Variants in AP1S3 observed in about 807,000 individuals in gnomAD.
The protein encoded by AP1S3 is adaptor related protein complex 1 subunit sigma 3.
A neutral mutation model predicts 20.9 loss-of-function variants in AP1S3; 10 were observed. The observed-to-expected ratio is 0.48, with a 90% CI of 0.29 to 0.81. AP1S3 has a LOEUF of 0.81. Among genes scored for constraint, AP1S3 ranks in the 30% least tolerant of loss-of-function variants. The pLI is 0.08. For synonymous variants in AP1S3, 41 were observed against 61.5 expected (o/e 0.67, Z 1.56); for missense variants, 154 against 183.8 (o/e 0.84, Z 0.94).
chr2:223,761,527 T>C (rs1014846971), intron 4 of AP1S3, among the ~76,000 whole-genome samples: 1 of 152,002 alleles, frequency 6.6e-6, no homozygotes, highest in African/African-American at 2.4e-5. Flanking sequence ...CGGGCTCAAG[T>C]GATCCTTTCA....
chr2:223,827,390 T>A (rs1692154228), intron 1 of AP1S3, among the ~76,000 whole-genome samples: 1 of 152,190 alleles, frequency 6.6e-6, no homozygotes, highest in Non-Finnish European at 1.5e-5. Flanking sequence ...TCCATAATTT[T>A]GTTTTGTTTT....
chr2:223,815,838 A>G (rs907170949), intron 1 of AP1S3, among the ~76,000 whole-genome samples: 1 of 152,244 alleles, frequency 6.6e-6, no homozygotes, highest in Non-Finnish European at 1.5e-5. Context: ...AGGGACAGGC[A>G]GTGGCTCAGG....
At position 223,758,760 on chromosome 2, in the gene AP1S3, A is replaced by G; in HGVS notation, c.430-10T>C. 6.2e-7 allele frequency: 1 copy of G among 1,607,416 alleles called. No individual in the cohort carries two copies. Among genetic ancestry groups the G allele is most frequent in the Non-Finnish European group, 8.5e-7 (1 of 1,177,078 alleles). The stretch of plus-strand genomic sequence containing the variant: ...TGTATTCTTCCATTGTCTGAAAGCG[A>G]ACAATAAATTAGAACAATTTTCCCT... On this transcript the variant is annotated splice_polypyrimidine_tract_variant and intron_variant, in intron 4 of 4. Coordinates refer to ENST00000396654, the MANE Select transcript of AP1S3 (RefSeq NM_001039569.2).
chr2:223,761,956 A>G (rs1482093758), intron 4 of AP1S3, among the ~76,000 whole-genome samples: 5 of 152,184 alleles, frequency 3.3e-5, no homozygotes, highest in African/African-American at 9.6e-5. Flanking sequence ...AATGACCACT[A>G]TCGCCTTTGA....
intron 1 of AP1S3, among the ~76,000 whole-genome samples, chr2:223,797,194 A>G (rs1487730866): frequency 1.3e-5 from 2 of 152,110 alleles, no homozygotes; most frequent in South Asian, 2.1e-4. Flanking sequence ...TCATGTCTTC[A>G]TATCCAAATG....
chr2:223,756,650 T>A lies in AP1S3; in HGVS notation c.*2065A>T. On this transcript the variant is annotated 3_prime_UTR_variant, in exon 5 of 5. Transcript: ENST00000396654. ...TATTGGATAGTAAAAGCCTAATGAT[T>A]ATTTTATATGCTAATCTGAGTTATT... 1.0e-6 allele frequency: 1 copy of A among 985,384 alleles called. No individual in the cohort carries two copies. Among genetic ancestry groups the A allele is most frequent in the Non-Finnish European group, 1.2e-6 (1 of 829,864 alleles). The allele number at this position is 985,384 out of a possible 1,614,324, so 61.0% of individuals were successfully genotyped here. A position where few individuals can be genotyped will look rare whatever the true frequency, so the allele number is the denominator to read the frequency against.
At chr2:223,809,973 C>A (rs58293182) in intron 1 of AP1S3, among the ~76,000 whole-genome samples, 3 of 151,936 alleles carry the variant, frequency 2.0e-5, no homozygotes, top group Admixed American at 2.0e-4. Flanking sequence ...GTGATCCACC[C>A]GCCTCGGCCT....
At chr2:223,765,928 G>T (rs1690466609) in intron 3 of AP1S3, among the ~76,000 whole-genome samples, 1 of 152,124 alleles carries the variant, frequency 6.6e-6, no homozygotes. Flanking sequence ...CTTTTAACAG[G>T]TTCCCAGGTG....
At chr2:223,786,969 T>C (rs1013389518) in intron 1 of AP1S3, among the ~76,000 whole-genome samples, 2 of 152,050 alleles carry the variant, frequency 1.3e-5, no homozygotes, top group Admixed American at 1.3e-4. Flanking sequence ...TCGTGTCAAA[T>C]TGTAATCCCC....
rs140551767 is a variant in AP1S3 at position 223,818,396 on chromosome 2, A to G, written c.3+19052T>C. 6.3e-3 allele frequency among the ~76,000 whole-genome samples: 940 copies of G among 148,544 alleles called. 8 individuals are homozygous for G. The highest frequency in any genetic ancestry group is 0.022 in the African/African-American group (892 of 40,250). ...CGAGCCACTGCACTCCAGCCTGGGC[A>G]ACAGAGGGAGAGTGAGACTCCATCT... On this transcript the variant is annotated intron_variant, in intron 1 of 4. Coordinates refer to ENST00000396654, the MANE Select transcript of AP1S3 (RefSeq NM_001039569.2).
In AP1S3 at chr2:223,804,711, C is replaced by T. The variant is rs995997807; in HGVS notation, c.4-26842G>A. Among the ~76,000 whole-genome samples the T allele has an allele frequency of 5.5e-5, 8 of 145,046 alleles. No homozygotes were observed. In the South Asian group the frequency reaches 1.3e-3, roughly 23 times the overall value. ...TGCACTCCAGCCTGAGTGACAGAGA[C>T]TGTTTCAAAAAAAAAAAAAAGAGGT... On this transcript the variant is annotated intron_variant, in intron 1 of 4. Transcript: ENST00000396654.
chr2:223,762,142 T>C (rs1253748795), intron 4 of AP1S3, among the ~76,000 whole-genome samples: 1 of 151,590 alleles, frequency 6.6e-6, no homozygotes, highest in Non-Finnish European at 1.5e-5. Flanking sequence ...CTGGCTAATT[T>C]TTGTATTTTT....
At chr2:223,813,529 A>G (rs1159264748) in intron 1 of AP1S3, among the ~76,000 whole-genome samples, 1 of 152,200 alleles carries the variant, frequency 6.6e-6, no homozygotes, top group Non-Finnish European at 1.5e-5. Flanking sequence ...TAATTTGCCC[A>G]AGGTCACACA....
At position 223,827,732 on chromosome 2, in the gene AP1S3, A is replaced by G. The variant is rs1400232482; in HGVS notation, c.3+9716T>C. On this transcript the variant is annotated intron_variant, in intron 1 of 4. Coordinates refer to ENST00000396654, the MANE Select transcript of AP1S3 (RefSeq NM_001039569.2). ...TTAAATAAATTTCTCAGAGGAAAAA[A>G]AAAAATCTAAAGTATTTTCATTAGC... is the stretch of plus-strand genomic sequence containing the variant. Among the ~76,000 whole-genome samples, 22 of 150,970 alleles carry G rather than the reference A, an allele frequency of 1.5e-4. No individual in the cohort carries two copies. In the Admixed American group the frequency reaches 1.5e-3, roughly 10 times the overall value.
chr2:223,781,301 C>A (rs1407525081), intron 1 of AP1S3, among the ~76,000 whole-genome samples: 1 of 151,930 alleles, frequency 6.6e-6, no homozygotes, highest in African/African-American at 2.4e-5. Flanking sequence ...TGATATGAGG[C>A]CCAAGACATC....
At chr2:223,789,004 T>C (rs1024902314) in intron 1 of AP1S3, among the ~76,000 whole-genome samples, 5 of 152,078 alleles carry the variant, frequency 3.3e-5, no homozygotes, top group African/African-American at 1.2e-4. Context: ...AAGCCTCCAG[T>C]CAACCTGTCT....
In AP1S3 at chr2:223,780,684, G is replaced by A. The variant is rs527859879; in HGVS notation, c.4-2815C>T. On this transcript the variant is annotated intron_variant, in intron 1 of 4. Coordinates refer to ENST00000396654, the MANE Select transcript of AP1S3 (RefSeq NM_001039569.2). ...AGGCTCAAGCGATCCTCCCACCTCC[G>A]TCTCCCAGAGTGTTGTGATTACAGG... Among the ~76,000 whole-genome samples, 17 of 151,870 alleles carry A rather than the reference G, an allele frequency of 1.1e-4. No homozygotes were observed. The East Asian group carries it at 1.2e-3, about 10-fold the overall frequency.
chr2:223,795,978 G>C (rs951151571), intron 1 of AP1S3, among the ~76,000 whole-genome samples: 24 of 152,120 alleles, frequency 1.6e-4, no homozygotes, highest in Non-Finnish European at 2.1e-4. Flanking sequence ...ATCGAGATCA[G>C]CCTGGCCAAC....
At chr2:223,795,872 A>G (rs1691325600) in intron 1 of AP1S3, among the ~76,000 whole-genome samples, 1 of 152,128 alleles carries the variant, frequency 6.6e-6, no homozygotes, top group African/African-American at 2.4e-5. Flanking sequence ...AATGTCTGTA[A>G]TCATTAATAA....
Sources: gnomAD v4.1 joint callset for allele counts (sites outside exome capture counted in the v4.1 genomes callset) on GRCh38, gnomAD v4.1.1 for gene constraint, MANE v1.5 for transcripts, NCBI Gene and HGNC (gene_info 2026-07-23, HGNC 2026-07-21) for gene names.